The following UPF1 variants were observed in gnomAD, a reference collection of about 807,000 sequenced individuals.
The protein encoded by UPF1 is regulator of nonsense transcripts 1.
Under a neutral mutation model 129.2 loss-of-function variants are expected in UPF1, and 9 were observed. That is an observed-to-expected ratio of 0.07 (90% CI 0.04 to 0.12). The LOEUF is 0.12. Ranked by LOEUF, UPF1 falls within the 10% of genes least tolerant of loss-of-function variation. The probability of loss-of-function intolerance (pLI) is 1.00; values close to 1 mark genes in which losing one functional copy is unlikely to be tolerated. For missense variants in UPF1, 788 were observed against 1,525.3 expected, an observed-to-expected ratio of 0.52 and a Z score of 8.05; for synonymous variants, 649 against 644.9, an observed-to-expected ratio of 1.01 and a Z score of -0.10.
At chr19:18,854,074 T>C (rs2055689489) in intron 8 of UPF1, among the ~76,000 whole-genome samples, 1 of 152,218 alleles carries the variant, frequency 6.6e-6, no homozygotes, top group Non-Finnish European at 1.5e-5. Flanking sequence ...GGGTGTTGCC[T>C]ACCGGCCACA....
intron 1 of UPF1, chr19:18,833,339 C>T (rs1052321023): frequency 3.9e-5 from 6 of 152,206 alleles, no homozygotes; most frequent in Non-Finnish European, 8.8e-5. Context: ...TGTTACATAA[C>T]TTCACAACTC....
In UPF1 at chr19:18,860,392, C is replaced by T; in HGVS notation, c.2254C>T (p.Gln752Ter). ...TAAACCGATGTTCTTCTACGTGACCCAGGGCCAAGAGGAGATTGCCAGCTC... is the reference window on the plus strand; with the variant it reads ...TAAACCGATGTTCTTCTACGTGACCTAGGGCCAAGAGGAGATTGCCAGCTC... Reference protein sequence around the residue: ...PDKPMFFYVTQGQEEIASSGT... With the variant: ...PDKPMFFYVT Residue 752 changes from glutamine to a stop codon, truncating the protein, a stop_gained, in exon 16 of 24, where the codon CAG becomes TAG. Coordinates refer to ENST00000262803, the MANE Select transcript of UPF1 (RefSeq NM_002911.4). LOFTEE classifies it high-confidence loss of function. 6.2e-7 allele frequency: 1 copy of T among 1,614,128 alleles called. No homozygotes were observed. The highest frequency in any genetic ancestry group is 1.1e-5 in the South Asian group (1 of 91,086).
rs925770743 is a variant in UPF1, at chr19:18,866,919, C to T, written c.*402C>T. On this transcript the variant is annotated 3_prime_UTR_variant, in exon 24 of 24. Transcript: ENST00000262803. ...AAAAAAAACTTCGCATTTCTGTGCCCGAGCAGGCTCCTTGCAAAGACAGCA... is the reference window on the plus strand; with the variant it reads ...AAAAAAAACTTCGCATTTCTGTGCCTGAGCAGGCTCCTTGCAAAGACAGCA... 7.2e-5 allele frequency: 11 copies of T among 152,610 alleles called. No individual in the cohort carries two copies. Among genetic ancestry groups the T allele is most frequent in the Non-Finnish European group, 1.5e-4 (10 of 68,056 alleles). The allele number at this position is 152,610 out of a possible 1,614,324, so 9.5% of individuals were successfully genotyped here.
At chr19:18,833,743 A>G (rs2055453935) in intron 1 of UPF1, among the ~76,000 whole-genome samples, 1 of 152,146 alleles carries the variant, frequency 6.6e-6, no homozygotes, top group Admixed American at 6.5e-5. Flanking sequence ...GTCCCTTGGC[A>G]TATGCTGGTG....
chr19:18,846,520 T>C (rs1331100440), intron 2 of UPF1, among the ~76,000 whole-genome samples: 1 of 152,024 alleles, frequency 6.6e-6, no homozygotes, highest in Non-Finnish European at 1.5e-5. Flanking sequence ...TTCTGGGGCA[T>C]CCCTGCCTCC....
rs1014905578 is a variant in UPF1 at position 18,857,441 on chromosome 19, G to T, written c.2090G>T (p.Arg697Leu). Residue 697 changes from arginine (R) to leucine (L), a missense_variant, in exon 15 of 24, where the codon CGC becomes CTC. By Grantham distance (102) the Arg-to-Leu change is moderately radical. Coordinates refer to ENST00000262803, the MANE Select transcript of UPF1 (RefSeq NM_002911.4). ...GTGGTGCTGGGCATCCGGCCCATCC[G>T]CCTGCAGGTCCAGTACCGGATGCAC... ...RLVVLGIRPI[R>L]LQVQYRMHPA... 6.2e-7 allele frequency: 1 copy of T among 1,613,620 alleles called. No homozygotes were observed. Among genetic ancestry groups the T allele is most frequent in the African/African-American group, 1.3e-5 (1 of 74,946 alleles).
chr19:18,846,667 CACA>C (rs1309054256), intron 2 of UPF1, among the ~76,000 whole-genome samples: 4 of 152,084 alleles, frequency 2.6e-5, no homozygotes, highest in Admixed American at 1.3e-4. Flanking sequence ...TTTTGTGACA[CACA>C]AGTGAGGAAA....
At position 18,850,375 on chromosome 19, in the gene UPF1, G is replaced by A. The variant is rs2055645061; in HGVS notation, c.629+133G>A. On this transcript the variant is annotated intron_variant, in intron 4 of 23. Transcript: ENST00000262803. The surrounding 1 kb of genome is among the most constrained non-coding windows in gnomAD (Gnocchi z 7.1). ...TCCTCCAAAGATGGTTTTTGCTGAA[G>A]GGTGAGGCATGAGAGCGTTTAGGCG... is the stretch of plus-strand genomic sequence containing the variant. 2 of 1,313,190 alleles carry A rather than the reference G, an allele frequency of 1.5e-6. No homozygotes were observed. The highest frequency in any genetic ancestry group is 1.5e-5 in the South Asian group (1 of 66,640). 81.3% of individuals were successfully genotyped at this position (1,313,190 alleles called of 1,614,324 possible).
intron 13 of UPF1, 134 bp from the exon 14 acceptor site, chr19:18,856,743 G>A: frequency 7.7e-7 from 1 of 1,291,088 alleles, no homozygotes; most frequent in Admixed American, 2.9e-5. Flanking sequence ...TCTTGTCTGG[G>A]AGGGACAGCT....
intron 3 of UPF1, chr19:18,848,034 G>T: frequency 7.9e-6 from 4 of 503,222 alleles, no homozygotes; most frequent in South Asian, 2.8e-5. Context: ...TATTCTCTGT[G>T]GCTCTTTTTA....
chr19:18,861,958 G>C, intron 17 of UPF1, 52 bp from the exon 18 acceptor site: 2 of 1,601,612 alleles, frequency 1.2e-6, no homozygotes, highest in South Asian at 1.1e-5. Context: ...CATTTTGGGG[G>C]GACTGGGAAG....
intron 1 of UPF1, among the ~76,000 whole-genome samples, chr19:18,843,868 C>T (rs1477944375): frequency 6.6e-6 from 1 of 151,974 alleles, no homozygotes; most frequent in Non-Finnish European, 1.5e-5. Flanking sequence ...GCCTCAACCT[C>T]CTGATTAGCT....
rs1242280138 is a variant in UPF1 at position 18,866,990 on chromosome 19, C to G, written c.*473C>G. On this transcript the variant is annotated 3_prime_UTR_variant, in exon 24 of 24. Transcript: ENST00000262803. Reference sequence around the variant, plus strand: ...GGAGGGCGCGTCTGTCCACGCCTACCGGACGCGCCGAGGTCGCGCTGCCTG... The same window carrying G: ...GGAGGGCGCGTCTGTCCACGCCTACGGGACGCGCCGAGGTCGCGCTGCCTG... The G allele has an allele frequency of 6.6e-6, 1 of 152,624 alleles. No homozygotes were observed. The highest frequency in any genetic ancestry group is 1.5e-5 in the Non-Finnish European group (1 of 68,054). 9.5% of individuals were successfully genotyped at this position (152,624 alleles called of 1,614,324 possible). A position where few individuals can be genotyped will look rare whatever the true frequency, so the allele number is the denominator to read the frequency against.
At position 18,854,976 on chromosome 19, in the gene UPF1, A is replaced by G. The variant is rs769976755; in HGVS notation, c.1363A>G (p.Ile455Val). The G allele has an allele frequency of 4.3e-6, 7 of 1,614,084 alleles. No homozygotes were observed. The African/African-American group carries it at 6.7e-5, about 15-fold the overall frequency. ...GGGCCACGAGGTGGAGGACGTAATC[A>G]TCAAGTGCCAGCTGCCCAAGCGCTT... Reference protein sequence around the residue: ...LLGHEVEDVIIKCQLPKRFTA... With the variant: ...LLGHEVEDVIVKCQLPKRFTA... Residue 455 changes from isoleucine (I) to valine (V), a missense_variant, in exon 10 of 24, where the codon ATC (isoleucine) becomes GTC (valine). Transcript: ENST00000262803.
intron 6 of UPF1, 26 bp from the exon 7 acceptor site, chr19:18,852,961 G>A (rs376167648): frequency 6.1e-5 from 97 of 1,599,924 alleles, no homozygotes; most frequent in Admixed American, 1.5e-4. Flanking sequence ...GAGGCTAACC[G>A]GGGCTCTTGT....
chr19:18,842,203 A>G (rs1303741894), intron 1 of UPF1, among the ~76,000 whole-genome samples: 1 of 152,224 alleles, frequency 6.6e-6, no homozygotes, highest in Non-Finnish European at 1.5e-5. Context: ...CTAATAGATT[A>G]AAGGTGGCTA....
At chr19:18,856,798 G>C (rs1036212822) in intron 13 of UPF1, 79 bp from the exon 14 acceptor site, 10 of 1,516,736 alleles carry the variant, frequency 6.6e-6, no homozygotes, top group Non-Finnish European at 7.9e-6. Context: ...GAGAGCTTCT[G>C]TGTTCTGTCC....
rs2145955257 is a variant in UPF1, at chr19:18,853,472, G to A, written c.1156+122G>A. The A allele has an allele frequency of 3.0e-6, 3 of 990,824 alleles. No individual in the cohort carries two copies. In the South Asian group the frequency reaches 5.3e-5, roughly 17 times the overall value. The allele number at this position is 990,824 out of a possible 1,614,324, so 61.4% of individuals were successfully genotyped here. ...CAGCATCTCATGCTCTGTGGTGGGT[G>A]CTGGTTGGCATCGCCCTCCACTGCT... On this transcript the variant is annotated intron_variant, in intron 8 of 23. Coordinates refer to ENST00000262803, the MANE Select transcript of UPF1 (RefSeq NM_002911.4). The surrounding 1 kb of genome is among the most constrained non-coding windows in gnomAD (Gnocchi z 4.4).
At position 18,850,462 on chromosome 19, in the gene UPF1, A is replaced by T. The variant is rs1334146200; in HGVS notation, c.629+220A>T. 6.6e-6 allele frequency among the ~76,000 whole-genome samples: 1 copy of T among 152,280 alleles called. No homozygotes were observed. Among genetic ancestry groups the T allele is most frequent in the African/African-American group, 2.4e-5 (1 of 41,480 alleles). On this transcript the variant is annotated intron_variant, in intron 4 of 23. Transcript: ENST00000262803. This position sits in a 1 kb window ranked among gnomAD's most constrained non-coding sequence, Gnocchi z 7.1. ...TCTTTTGGGGCGTTCTGGCTAAGTCATAAAAACAATTCTGTAAAAACAAAG... is the reference window on the plus strand; with the variant it reads ...TCTTTTGGGGCGTTCTGGCTAAGTCTTAAAAACAATTCTGTAAAAACAAAG...
Sources: gnomAD v4.1 joint callset for allele counts (sites outside exome capture counted in the v4.1 genomes callset) on GRCh38, gnomAD v4.1.1 for gene constraint, Gnocchi (gnomAD v3.1) non-coding constraint, MANE v1.5 for transcripts, NCBI Gene and HGNC (gene_info 2026-07-23, HGNC 2026-07-21) for gene names.